The following CHD2 variants were observed in gnomAD, a reference collection of about 807,000 sequenced individuals.
The protein encoded by CHD2 is ATP-dependent chromatin remodeler CHD2.
Under a neutral mutation model 243.9 loss-of-function variants are expected in CHD2, and 28 were observed. The observed-to-expected ratio is 0.11, with a 90% CI of 0.09 to 0.16. The LOEUF is 0.16. Among genes scored for constraint, CHD2 ranks in the 10% least tolerant of loss-of-function variants. The pLI, the probability that CHD2 is intolerant of heterozygous loss-of-function variation, is 1.00. For synonymous variants in CHD2, 775 were observed against 779.0 expected (o/e 0.99, Z 0.09); for missense variants, 1,386 against 2,209.8 (o/e 0.63, Z 7.47).
At chr15:92,975,015 CGCT>C in intron 20 of CHD2, 65 bp downstream of exon 20, 1 of 1,297,886 alleles carries the variant, frequency 7.7e-7, no homozygotes, top group South Asian at 1.2e-5. Context: ...AAGTCTCTCT[CGCT>C]TAATGTATTC....
rs772375845 is a variant in CHD2, at chr15:92,971,732, A to T, written c.2190-33A>T. The T allele has an allele frequency of 3.2e-6, 5 of 1,586,892 alleles. No individual in the cohort carries two copies. In the Admixed American group the frequency reaches 5.4e-5, roughly 17 times the overall value. On this transcript the variant is annotated intron_variant, in intron 17 of 38. Coordinates refer to ENST00000394196, the MANE Select transcript of CHD2 (RefSeq NM_001271.4). ...TACCTACAACTTTCTGTTTTTTTGT[A>T]TCTAGTAGTATCATTATCATTTTAA...
chr15:92,917,275 G>A (rs1307667432), intron 2 of CHD2, among the ~76,000 whole-genome samples: 3 of 152,116 alleles, frequency 2.0e-5, no homozygotes, highest in Non-Finnish European at 4.4e-5. Flanking sequence ...TAAGAAATGT[G>A]TGGCCAGGCG....
chr15:92,900,519 C>G lies in CHD2; in HGVS notation c.-377C>G. On this transcript the variant is annotated 5_prime_UTR_variant, in exon 1 of 39. Coordinates refer to ENST00000394196, the MANE Select transcript of CHD2 (RefSeq NM_001271.4). ...TTGGGAGAAAAGCAGCTTTTAGGAG[C>G]TTTCTTTTCGTGCCTTGTTGGAAAG... 5.0e-6 allele frequency: 2 copies of G among 398,722 alleles called. No individual in the cohort carries two copies. Among genetic ancestry groups the G allele is most frequent in the East Asian group, 7.1e-5 (2 of 28,052 alleles). 24.7% of individuals were successfully genotyped at this position (398,722 alleles called of 1,614,324 possible). A position where few individuals can be genotyped will look rare whatever the true frequency, so the allele number is the denominator to read the frequency against.
Position 92,998,504 on chromosome 15 carries a change from G to T in CHD2, c.3891G>T (p.Leu1297=). The T allele has an allele frequency of 6.2e-7, 1 of 1,613,918 alleles. No individual in the cohort carries two copies. Among genetic ancestry groups the T allele is most frequent in the Non-Finnish European group, 8.5e-7 (1 of 1,179,904 alleles). The part of the protein sequence containing the change: ...DPELKLTDKI[L]PVETDKKPQG... ...CTCTTCCTTTCTTGTTGAAGATTCT[G>T]CCGGTGGAGACAGATAAAAAGCCTC... The change falls in exon 31 of 39, where the codon CTG becomes CTT. Residue 1297 remains leucine, a synonymous_variant. Coordinates refer to ENST00000394196, the MANE Select transcript of CHD2 (RefSeq NM_001271.4). This position sits in a 1 kb window ranked among gnomAD's most constrained non-coding sequence, Gnocchi z 5.1.
intron 38 of CHD2, among the ~76,000 whole-genome samples, chr15:93,023,286 C>T (rs1370076100): frequency 6.6e-6 from 1 of 152,222 alleles, no homozygotes; most frequent in Non-Finnish European, 1.5e-5. Flanking sequence ...AATATGTGAC[C>T]TTTTGTGTCT....
chr15:93,009,237 C>G lies in CHD2; in HGVS notation c.4506C>G (p.Thr1502=), dbSNP rs1442096795. 5.0e-6 allele frequency: 8 copies of G among 1,614,192 alleles called. No homozygotes were observed. Among genetic ancestry groups the G allele is most frequent in the Non-Finnish European group, 6.8e-6 (8 of 1,180,028 alleles). Residue 1502 remains threonine (T), a synonymous_variant, in exon 35 of 39, where the codon ACC becomes ACG. Transcript: ENST00000394196. The part of the protein sequence containing the change: ...GLNVQEQLEH[T]RNCLLKIGDR... ...ACGTGCAAGAACAGCTGGAACACAC[C>G]CGGAACTGCCTGCTGAAAATCGGAG... is the stretch of plus-strand genomic sequence containing the variant.
intron 2 of CHD2, among the ~76,000 whole-genome samples, chr15:92,908,521 GC>G (rs1400129317): frequency 6.6e-6 from 1 of 152,028 alleles, no homozygotes; most frequent in African/African-American, 2.4e-5. Flanking sequence ...GTCCATCCCT[GC>G]CCCTAGGATC....
intron 2 of CHD2, among the ~76,000 whole-genome samples, chr15:92,917,415 G>A (rs2052861338): frequency 6.6e-6 from 1 of 152,144 alleles, no homozygotes; most frequent in African/African-American, 2.4e-5. Context: ...AAAACAATTA[G>A]CCAGGTGCAG....
At chr15:93,021,978 C>G (rs1421668937) in intron 38 of CHD2, 2 of 152,172 alleles carry the variant, frequency 1.3e-5, no homozygotes, top group Non-Finnish European at 2.9e-5. Flanking sequence ...TATTTGGAAG[C>G]AGTTTCCTTT....
Position 92,998,083 on chromosome 15 carries a change from G to A in CHD2, c.3886-416G>A, listed in dbSNP as rs1033731245. The A allele has an allele frequency of 1.7e-5, 10 of 605,676 alleles. No individual in the cohort carries two copies. Among genetic ancestry groups the A allele is most frequent in the African/African-American group, 2.0e-5 (1 of 50,062 alleles). 37.5% of individuals were successfully genotyped at this position (605,676 alleles called of 1,614,324 possible). A position where few individuals can be genotyped will look rare whatever the true frequency, so the allele number is the denominator to read the frequency against. On this transcript the variant is annotated intron_variant, in intron 30 of 38. Transcript: ENST00000394196. The surrounding 1 kb of genome is among the most constrained non-coding windows in gnomAD (Gnocchi z 5.1). ...AGCAAGGAACAGATCATGTCCTGGC[G>A]TAGCTCAGTGCTCTCCGGCAATGCT...
At chr15:92,926,096 C>T (rs938166116) in intron 3 of CHD2, among the ~76,000 whole-genome samples, 6 of 152,136 alleles carry the variant, frequency 3.9e-5, no homozygotes, top group African/African-American at 1.4e-4. Context: ...CTCAGCCTCC[C>T]AAGTAGCTGG....
At chr15:92,927,417 A>T in intron 4 of CHD2, 87 bp downstream of exon 4, 1 of 959,696 alleles carries the variant, frequency 1.0e-6, no homozygotes, top group East Asian at 2.6e-5. Context: ...ACCATTAAAA[A>T]GACTGAACTT....
At chr15:92,946,292 G>GA in intron 12 of CHD2, 76 bp downstream of exon 12, 1 of 1,151,182 alleles carries the variant, frequency 8.7e-7, no homozygotes, top group Middle Eastern at 2.4e-4. Flanking sequence ...TATGTGCTGA[G>GA]AAAATATTAC....
intron 14 of CHD2, among the ~76,000 whole-genome samples, chr15:92,954,625 T>C (rs1242387854): frequency 6.6e-6 from 1 of 152,226 alleles, no homozygotes; most frequent in African/African-American, 2.4e-5. Context: ...AAGAGAAATT[T>C]ATAGGTTTAC....
chr15:92,931,581 C>T (rs2053167721), intron 5 of CHD2, among the ~76,000 whole-genome samples: 1 of 151,884 alleles, frequency 6.6e-6, no homozygotes, highest in African/African-American at 2.4e-5. Context: ...CACTACGTTG[C>T]CCTGGCTGTT....
At chr15:93,003,801 A>G (rs1453652468) in intron 33 of CHD2, among the ~76,000 whole-genome samples, 1 of 122,126 alleles carries the variant, frequency 8.2e-6, no homozygotes, top group African/African-American at 3.0e-5. Context: ...CCATATAACT[A>G]TAAACAAAGC....
intron 7 of CHD2, 47 bp downstream of exon 7, chr15:92,939,765 A>C: frequency 1.3e-6 from 2 of 1,581,726 alleles, no homozygotes; most frequent in Non-Finnish European, 1.7e-6. Context: ...GTGATAAAGT[A>C]GTTGGTTAGA....
intron 17 of CHD2, among the ~76,000 whole-genome samples, chr15:92,969,262 G>T (rs766292626): frequency 5.9e-5 from 9 of 152,190 alleles, no homozygotes. Flanking sequence ...ATATTCTGTT[G>T]CCTTCAGGCT....
At chr15:92,967,596 T>A in intron 17 of CHD2, 83 bp downstream of exon 17, 1 of 970,560 alleles carries the variant, frequency 1.0e-6, no homozygotes, top group Non-Finnish European at 1.4e-6. Flanking sequence ...ATATATACTT[T>A]TGTTTTTTTT....
Sources: gnomAD v4.1 joint callset for allele counts (sites outside exome capture counted in the v4.1 genomes callset) on GRCh38, gnomAD v4.1.1 for gene constraint, Gnocchi (gnomAD v3.1) non-coding constraint, MANE v1.5 for transcripts, NCBI Gene and HGNC (gene_info 2026-07-23, HGNC 2026-07-21) for gene names.